The following COBLL1 variants were observed in gnomAD, a reference collection of about 807,000 sequenced individuals.
COBLL1 encodes the protein cordon-bleu protein-like 1.
Under a neutral mutation model 94.8 loss-of-function variants are expected in COBLL1, and 50 were observed. The ratio of observed to expected loss-of-function variants is 0.53; its 90% confidence interval spans 0.42 to 0.67. The LOEUF (loss-of-function observed/expected upper bound fraction) is 0.67, where lower values mean the gene tolerates loss of function less well. COBLL1 is among the 30% of genes least tolerant of loss of function. The pLI, the probability that COBLL1 is intolerant of heterozygous loss-of-function variation, is 0.00. For synonymous variants in COBLL1, 448 were observed against 473.8 expected, an observed-to-expected ratio of 0.95 and a Z score of 0.71; for missense variants, 1,362 against 1,348.7, an observed-to-expected ratio of 1.01 and a Z score of -0.15.
chr2:164,822,296 G>A (rs1685206439), intron 2 of COBLL1, among the ~76,000 whole-genome samples: 1 of 152,166 alleles, frequency 6.6e-6, no homozygotes, highest in African/African-American at 2.4e-5. Context: ...AAAGGTAACT[G>A]CTAGAGTCTG....
chr2:164,669,333 C>A (rs1236076829), intron 1 of COBLL1, among the ~76,000 whole-genome samples: 3 of 152,136 alleles, frequency 2.0e-5, no homozygotes, highest in Non-Finnish European at 2.9e-5. Context: ...TGCTTCTCAG[C>A]CTTTTGGATG....
chr2:164,779,577 T>C, intron 2 of COBLL1: 1 of 444,966 alleles, frequency 2.2e-6, no homozygotes, highest in Non-Finnish European at 4.7e-6. Flanking sequence ...CCCATGCCAT[T>C]TCCCAGAACA....
chr2:164,823,041 CA>C (rs886200428), intron 2 of COBLL1, among the ~76,000 whole-genome samples: 19 of 149,972 alleles, frequency 1.3e-4, no homozygotes, highest in Admixed American at 1.0e-3. Context: ...CAAGGAACAA[CA>C]AAAAAAAAGT....
Position 164,768,207 on chromosome 2 carries a change from A to G in COBLL1, c.42-24332T>C, listed in dbSNP as rs75164727. Among the ~76,000 whole-genome samples the G allele has an allele frequency of 9.1e-3, 1,393 of 152,270 alleles. 26 individuals carry two copies. Among genetic ancestry groups the G allele is most frequent in the African/African-American group, 0.032 (1,334 of 41,556 alleles). On this transcript the variant is annotated intron_variant, in intron 2 of 13. Transcript: ENST00000652658. ...AAAAGCAACCACCTGCTACTCCTTAATTTATTACACAATTTGTAAGAAAGG... is the reference window on the plus strand; with the variant it reads ...AAAAGCAACCACCTGCTACTCCTTAGTTTATTACACAATTTGTAAGAAAGG...
intron 2 of COBLL1, among the ~76,000 whole-genome samples, chr2:164,768,251 C>T (rs1688033814): frequency 6.6e-6 from 1 of 152,134 alleles, no homozygotes; most frequent in South Asian, 2.1e-4. Context: ...AATGAGAATA[C>T]TGTGGATAGA....
chr2:164,803,144 T>G (rs1683898890), intron 2 of COBLL1, among the ~76,000 whole-genome samples: 1 of 152,204 alleles, frequency 6.6e-6, no homozygotes, highest in Non-Finnish European at 1.5e-5. Context: ...TTGGAGAATG[T>G]TAGAAAGTAA....
intron 2 of COBLL1, among the ~76,000 whole-genome samples, chr2:164,783,225 G>C (rs1688793302): frequency 6.6e-6 from 1 of 151,942 alleles, no homozygotes. Context: ...AACATAATGA[G>C]ACCTCATCTC....
intron 2 of COBLL1, among the ~76,000 whole-genome samples, chr2:164,753,477 T>C (rs1163228613): frequency 6.6e-6 from 1 of 152,102 alleles, no homozygotes; most frequent in Non-Finnish European, 1.5e-5. Context: ...GAGATTTCTA[T>C]TATCTTAAAT....
In COBLL1 at chr2:164,683,546, A is replaced by G. The variant is rs1683139957; in HGVS notation, c.*2400T>C. On this transcript the variant is annotated 3_prime_UTR_variant, in exon 14 of 14. Coordinates refer to ENST00000652658, the MANE Select transcript of COBLL1 (RefSeq NM_001365672.2). ...ACAAGTATACTAGAATTTAGAATAT[A>G]ATAAGCACTTGTTTTCAAACAGCAG... 6.6e-6 allele frequency: 1 copy of G among 152,178 alleles called. No individual in the cohort carries two copies. 9.4% of individuals were successfully genotyped at this position (152,178 alleles called of 1,614,324 possible). A position where few individuals can be genotyped will look rare whatever the true frequency, so the allele number is the denominator to read the frequency against.
chr2:164,835,305 C>A (rs1015700134), intron 2 of COBLL1, among the ~76,000 whole-genome samples: 3 of 152,088 alleles, frequency 2.0e-5, no homozygotes, highest in African/African-American at 4.8e-5. Context: ...AAAATGTGAT[C>A]TATACATACA....
Position 164,813,960 on chromosome 2 carries a change from T to C in COBLL1, c.41+27196A>G, listed in dbSNP as rs1684584272. Among the ~76,000 whole-genome samples, 3 of 152,182 alleles carry C rather than the reference T, an allele frequency of 2.0e-5. No individual in the cohort carries two copies. The South Asian group carries it at 6.2e-4, about 31-fold the overall frequency. On this transcript the variant is annotated intron_variant, in intron 2 of 13. Coordinates refer to ENST00000652658, the MANE Select transcript of COBLL1 (RefSeq NM_001365672.2). ...AGGCTGTGAGAATCAAGTAACTTTCTCAAGGTTACCCAATAAGAAAACGGC... is the reference window on the plus strand; with the variant it reads ...AGGCTGTGAGAATCAAGTAACTTTCCCAAGGTTACCCAATAAGAAAACGGC...
In COBLL1 at chr2:164,722,466, A is replaced by C. The variant is rs35945844; in HGVS notation, c.718T>G (p.Phe240Val). Reference sequence around the variant, plus strand: ...TTACTGCGTTGAAAAAAACTGAAAAACCCTTTATTTTCTTTCTCCTTCATA... The same window carrying C: ...TTACTGCGTTGAAAAAAACTGAAAACCCCTTTATTTTCTTTCTCCTTCATA... Reference protein sequence around the residue: ...DIMKEKENKGFFSFFQRSKKK... With the variant: ...DIMKEKENKGVFSFFQRSKKK... Residue 240 changes from phenylalanine to valine, a missense_variant, in exon 6 of 14, where the codon TTT becomes GTT. Physicochemically the swap from Phe to Val is conservative, Grantham distance 50 (BLOSUM62 -1). Coordinates refer to ENST00000652658, the MANE Select transcript of COBLL1 (RefSeq NM_001365672.2). 1 of 1,523,432 alleles carries C rather than the reference A, an allele frequency of 6.6e-7. No homozygotes were observed. Among genetic ancestry groups the C allele is most frequent in the East Asian group, 2.3e-5 (1 of 43,482 alleles). The allele number at this position is 1,523,432 out of a possible 1,614,324, so 94.4% of individuals were successfully genotyped here.
intron 2 of COBLL1, among the ~76,000 whole-genome samples, chr2:164,805,347 A>ATT (rs1684080465): frequency 1.2e-4 from 13 of 109,190 alleles, no homozygotes; most frequent in African/African-American, 2.5e-4. Flanking sequence ...CTATATATAT[A>ATT]TATATATATA....
chr2:164,786,770 G>A (rs1688981737), intron 2 of COBLL1, among the ~76,000 whole-genome samples: 1 of 152,064 alleles, frequency 6.6e-6, no homozygotes, highest in Admixed American at 6.6e-5. Flanking sequence ...CCATTCTAAT[G>A]ATTTCCATTG....
chr2:164,783,850 C>T, intron 2 of COBLL1, among the ~76,000 whole-genome samples: 1 of 151,986 alleles, frequency 6.6e-6, no homozygotes, highest in East Asian at 1.9e-4. Context: ...CCTGTGGTCT[C>T]AGTTATTTAA....
intron 2 of COBLL1, among the ~76,000 whole-genome samples, chr2:164,794,788 AC>A (rs1342538664): frequency 6.6e-6 from 1 of 152,136 alleles, no homozygotes; most frequent in Non-Finnish European, 1.5e-5. Flanking sequence ...ACAGACACAG[AC>A]CCTCTTGCCC....
At chr2:164,801,529 G>A (rs1184129176) in intron 2 of COBLL1, among the ~76,000 whole-genome samples, 1 of 150,138 alleles carries the variant, frequency 6.7e-6, no homozygotes, top group Non-Finnish European at 1.5e-5. Flanking sequence ...GGCTGAGGTG[G>A]ATTGCTTGAG....
intron 2 of COBLL1, among the ~76,000 whole-genome samples, chr2:164,762,694 T>A (rs1687740882): frequency 7.1e-6 from 1 of 141,526 alleles, no homozygotes; most frequent in African/African-American, 2.8e-5. Context: ...AAGCCTATCA[T>A]CCTTTTTTTT....
At position 164,683,151 on chromosome 2, in the gene COBLL1, T is replaced by C. The variant is rs6717858; in HGVS notation, c.*2795A>G. On this transcript the variant is annotated 3_prime_UTR_variant, in exon 14 of 14. Transcript: ENST00000652658. The stretch of plus-strand genomic sequence containing the variant: ...GGAGAGGAGAGTGGGATGCTGGGGA[T>C]GAAAAAGAATGTATTTTATACTCTA... 70,173 of 151,596 alleles carry C rather than the reference T, an allele frequency of 0.46. 18,600 individuals carry two copies. Among genetic ancestry groups the C allele is most frequent in the African/African-American group, 0.73 (30,072 of 41,276 alleles). The allele number at this position is 151,596 out of a possible 1,614,324, so 9.4% of individuals were successfully genotyped here.
Sources: allele counts gnomAD v4.1 joint callset (sites outside exome capture counted in the v4.1 genomes callset), GRCh38; gene constraint gnomAD v4.1.1; transcripts MANE v1.5; gene names NCBI Gene and HGNC (gene_info 2026-07-23, HGNC 2026-07-21).